Variants in MGAT4C observed in about 807,000 individuals in gnomAD.
MGAT4C encodes the protein MGAT4 family member C.
Under a neutral mutation model 40.1 loss-of-function variants are expected in MGAT4C, and 19 were observed. The observed-to-expected ratio is 0.47, with a 90% CI of 0.33 to 0.70. The LOEUF is 0.70. Among genes scored for constraint, MGAT4C ranks in the 30% least tolerant of loss-of-function variants. The pLI, the probability that MGAT4C is intolerant of heterozygous loss-of-function variation, is 0.02. For synonymous variants in MGAT4C, 181 were observed against 187.1 expected, an observed-to-expected ratio of 0.97 and a Z score of 0.27; for missense variants, 491 against 563.2, an observed-to-expected ratio of 0.87 and a Z score of 1.30.
At chr12:86,194,589 G>A (rs1044950841) in intron 1 of MGAT4C, among the ~76,000 whole-genome samples, 34 of 151,880 alleles carry the variant, frequency 2.2e-4, no homozygotes, top group Non-Finnish European at 3.8e-4. Context: ...CTAGTAGCTG[G>A]GATTACAGGT....
intron 1 of MGAT4C, among the ~76,000 whole-genome samples, chr12:86,808,873 C>G (rs993804123): frequency 2.6e-5 from 4 of 151,986 alleles, no homozygotes; most frequent in East Asian, 1.9e-4. Context: ...GATCCTATGT[C>G]TAGGAAACCT....
At chr12:86,381,141 G>A (rs56305219) in intron 3 of MGAT4C, among the ~76,000 whole-genome samples, 1 of 151,894 alleles carries the variant, frequency 6.6e-6, no homozygotes, top group African/African-American at 2.4e-5. Context: ...CACTATAGTT[G>A]GAATCATGTG....
chr12:86,502,362 A>AT (rs1958362269), intron 2 of MGAT4C, among the ~76,000 whole-genome samples: 1 of 151,922 alleles, frequency 6.6e-6, no homozygotes, highest in Admixed American at 6.6e-5. Flanking sequence ...AGAAAATATC[A>AT]TTAGGTAGAA....
intron 1 of MGAT4C, among the ~76,000 whole-genome samples, chr12:86,136,976 C>G (rs1028503452): frequency 6.6e-6 from 1 of 151,960 alleles, no homozygotes; most frequent in Non-Finnish European, 1.5e-5. Flanking sequence ...ATGAGCCGCG[C>G]GCCTGGCTCA....
At chr12:86,370,607 G>A (rs866852671) in intron 3 of MGAT4C, among the ~76,000 whole-genome samples, 3 of 151,994 alleles carry the variant, frequency 2.0e-5, no homozygotes, top group Non-Finnish European at 2.9e-5. Context: ...TAGATTTACC[G>A]ATTTAAAAGA....
rs1265029861 is a variant in MGAT4C at position 85,976,745 on chromosome 12, A to G, written c.*2544T>C. On this transcript the variant is annotated 3_prime_UTR_variant, in exon 5 of 5. Coordinates refer to ENST00000611864, the MANE Select transcript of MGAT4C (RefSeq NM_001351288.2). ...GCAAAAATGTTTAAAAATAGCAAAT[A>G]GTTTGAGTATAGTTAAACCTAATAA... The G allele has an allele frequency of 1.3e-5, 2 of 149,120 alleles. No homozygotes were observed. Among genetic ancestry groups the G allele is most frequent in the Admixed American group, 6.7e-5 (1 of 14,860 alleles). 9.2% of individuals were successfully genotyped at this position (149,120 alleles called of 1,614,324 possible).
At chr12:86,687,356 C>T (rs187499070) in intron 2 of MGAT4C, among the ~76,000 whole-genome samples, 107 of 152,084 alleles carry the variant, frequency 7.0e-4, no homozygotes, top group African/African-American at 1.4e-3. Flanking sequence ...CTGTGATCTT[C>T]GTTATTTCTT....
chr12:86,086,901 A>G (rs1361590818), intron 1 of MGAT4C, among the ~76,000 whole-genome samples: 1 of 151,928 alleles, frequency 6.6e-6, no homozygotes, highest in East Asian at 1.9e-4. Context: ...TAGCTCCCAC[A>G]TATGAGTGAG....
At chr12:86,523,994 AG>A (rs1958838190) in intron 2 of MGAT4C, among the ~76,000 whole-genome samples, 1 of 152,004 alleles carries the variant, frequency 6.6e-6, no homozygotes, top group African/African-American at 2.4e-5. Flanking sequence ...ATGTGAGATG[AG>A]TCTCTTGAAG....
At chr12:85,993,632 C>T (rs1886249283) in intron 2 of MGAT4C, among the ~76,000 whole-genome samples, 1 of 152,144 alleles carries the variant, frequency 6.6e-6, no homozygotes, top group Admixed American at 6.5e-5. Flanking sequence ...CAGGTGGCCC[C>T]TGATGTCAGG....
chr12:86,133,031 A>ACATCTGCTAAGTATTTG (rs1397208180), intron 1 of MGAT4C, among the ~76,000 whole-genome samples: 2 of 152,176 alleles, frequency 1.3e-5, no homozygotes, highest in Non-Finnish European at 2.9e-5. Context: ...CTTGGGAGAA[A>ACATCTGCTAAGTATTTG]CATCTGCTAA....
At chr12:86,717,788 A>G (rs1950670013) in intron 2 of MGAT4C, among the ~76,000 whole-genome samples, 1 of 152,174 alleles carries the variant, frequency 6.6e-6, no homozygotes, top group African/African-American at 2.4e-5. Context: ...TTATATATGT[A>G]TGGGTAGCAT....
At chr12:86,760,974 C>A (rs922901177) in intron 1 of MGAT4C, among the ~76,000 whole-genome samples, 1 of 152,126 alleles carries the variant, frequency 6.6e-6, no homozygotes, top group Non-Finnish European at 1.5e-5. Flanking sequence ...TACAAGGTAA[C>A]TTTTGGAGGT....
chr12:85,993,095 T>A (rs905938504), intron 2 of MGAT4C, among the ~76,000 whole-genome samples: 2 of 152,172 alleles, frequency 1.3e-5, no homozygotes, highest in African/African-American at 4.8e-5. Context: ...CAGGTCCCCT[T>A]TTCAAATTAA....
intron 3 of MGAT4C, among the ~76,000 whole-genome samples, chr12:86,407,037 C>T (rs1015155880): frequency 6.6e-6 from 1 of 152,070 alleles, no homozygotes; most frequent in Non-Finnish European, 1.5e-5. Flanking sequence ...ACAAACTGGG[C>T]TTCCCATGAT....
intron 1 of MGAT4C, among the ~76,000 whole-genome samples, chr12:86,078,776 G>A (rs1452680220): frequency 1.3e-5 from 2 of 152,206 alleles, no homozygotes; most frequent in East Asian, 3.9e-4. Flanking sequence ...GGGGTGGCTG[G>A]GCAAAGAGGC....
intron 1 of MGAT4C, among the ~76,000 whole-genome samples, chr12:86,814,431 A>G (rs1028061942): frequency 1.4e-5 from 2 of 147,396 alleles, no homozygotes; most frequent in Non-Finnish European, 3.0e-5. Flanking sequence ...TATGAAAGGC[A>G]TGTTCTTTCA....
At chr12:86,326,754 A>G (rs995013137) in intron 4 of MGAT4C, among the ~76,000 whole-genome samples, 1 of 152,150 alleles carries the variant, frequency 6.6e-6, no homozygotes, top group Non-Finnish European at 1.5e-5. Flanking sequence ...TTTCTATTTC[A>G]TACAAAATAA....
intron 2 of MGAT4C, among the ~76,000 whole-genome samples, chr12:86,630,641 A>G (rs1038972894): frequency 1.4e-4 from 21 of 152,204 alleles, no homozygotes; most frequent in African/African-American, 5.1e-4. Flanking sequence ...AACAGAACCA[A>G]TGATAAAAAC....
Sources: gnomAD v4.1 joint callset for allele counts (sites outside exome capture counted in the v4.1 genomes callset) on GRCh38, gnomAD v4.1.1 for gene constraint, MANE v1.5 for transcripts, NCBI Gene and HGNC (gene_info 2026-07-23, HGNC 2026-07-21) for gene names.